Variants in SYNE1 observed in about 807,000 individuals in gnomAD.
The protein encoded by SYNE1 is nesprin-1.
Under a neutral mutation model 1,111.0 loss-of-function variants are expected in SYNE1, and 616 were observed. The observed-to-expected ratio is 0.55, with a 90% CI of 0.52 to 0.59. The LOEUF (loss-of-function observed/expected upper bound fraction) is 0.59, where lower values mean the gene tolerates loss of function less well. Among genes scored for constraint, SYNE1 ranks in the 20% least tolerant of loss-of-function variants. SYNE1 has a pLI of 0.00. For synonymous variants in SYNE1, 3,855 were observed against 3,825.8 expected (o/e 1.01, Z -0.28); for missense variants, 10,006 against 10,417.0 (o/e 0.96, Z 1.72).
chr6:152,503,154 G>T (rs2099039117), intron 9 of SYNE1, among the ~76,000 whole-genome samples: 2 of 152,012 alleles, frequency 1.3e-5, no homozygotes, highest in African/African-American at 4.8e-5. Context: ...GTACAAAAAT[G>T]CTTACAAGTG....
Position 152,241,136 on chromosome 6 carries a change from C to T in SYNE1, c.19893+1104G>A, listed in dbSNP as rs58415480. Among the ~76,000 whole-genome samples the T allele has an allele frequency of 5.0e-4, 76 of 152,144 alleles. 1 individual carries two copies. Among genetic ancestry groups the T allele is most frequent in the South Asian group, 3.5e-3 (17 of 4,820 alleles). On this transcript the variant is annotated intron_variant, in intron 107 of 145. Coordinates refer to ENST00000367255, the MANE Select transcript of SYNE1 (RefSeq NM_182961.4). ...GAGGTTTATTTCCCTGTTATTTATA[C>T]TCATTGATCCTAGTTTCCCCTCTGG...
chr6:152,303,868 G>T (rs1469487312), intron 91 of SYNE1, among the ~76,000 whole-genome samples: 1 of 151,424 alleles, frequency 6.6e-6, no homozygotes, highest in Non-Finnish European at 1.5e-5. Context: ...TTATGGATAT[G>T]GAGGGCTGAC....
At chr6:152,276,216 G>A (rs1044114695) in intron 98 of SYNE1, among the ~76,000 whole-genome samples, 1 of 151,772 alleles carries the variant, frequency 6.6e-6, no homozygotes, top group African/African-American at 2.4e-5. Flanking sequence ...TGTATTTTTA[G>A]TAGAGATGGG....
intron 128 of SYNE1, among the ~76,000 whole-genome samples, chr6:152,180,871 G>C (rs1437272922): frequency 6.6e-6 from 1 of 151,968 alleles, no homozygotes; most frequent in Admixed American, 6.6e-5. Context: ...GTGGACTCCA[G>C]GCAAGTTCCT....
rs530137531 is a variant in SYNE1 at position 152,614,607 on chromosome 6, A to G, written c.67+13658T>C. 2.0e-5 allele frequency among the ~76,000 whole-genome samples: 3 copies of G among 152,310 alleles called. 1 individual carries two copies. Among genetic ancestry groups the G allele is most frequent in the South Asian group, 4.1e-4 (2 of 4,826 alleles). ...TCAAGGATCTAGAACTAGAAATACC[A>G]TTTGACCCAGCAATTCCATTACTGG... On this transcript the variant is annotated intron_variant, in intron 3 of 145. Transcript: ENST00000367255.
chr6:152,631,154 C>T (rs147649592), intron 2 of SYNE1, among the ~76,000 whole-genome samples: 160 of 152,272 alleles, frequency 1.1e-3, no homozygotes, highest in African/African-American at 3.6e-3. Flanking sequence ...AGGATGGTGG[C>T]TAAGCCAGTG....
intron 3 of SYNE1, chr6:152,546,646 G>A: frequency 6.6e-6 from 1 of 152,084 alleles, no homozygotes; most frequent in East Asian, 1.9e-4. Flanking sequence ...AGTACAAATT[G>A]GTGTGATGAA....
At chr6:152,303,153 A>G (rs2095259927) in intron 91 of SYNE1, among the ~76,000 whole-genome samples, 1 of 136,094 alleles carries the variant, frequency 7.3e-6, no homozygotes, top group Non-Finnish European at 1.5e-5. Context: ...TTTATTGTGC[A>G]CATAGAACAC....
Position 152,232,165 on chromosome 6 carries a change from TTAA to T in SYNE1, c.20810_20812del (p.Ile6937del). The T allele has an allele frequency of 6.2e-7, 1 of 1,608,418 alleles. No homozygotes were observed. Among genetic ancestry groups the T allele is most frequent in the Non-Finnish European group, 8.5e-7 (1 of 1,174,872 alleles). The stretch of plus-strand genomic sequence containing the variant: ...AATTGCCTTGTAACCTATGGAATTT[TTAA>T]TATTATCTTCATCCTTCTGAATAAC... On this transcript the variant is annotated inframe_deletion, in exon 113 of 146. Coordinates refer to ENST00000367255, the MANE Select transcript of SYNE1 (RefSeq NM_182961.4).
intron 4 of SYNE1, among the ~76,000 whole-genome samples, chr6:152,537,888 G>A (rs1315079240): frequency 1.3e-5 from 2 of 152,086 alleles, no homozygotes; most frequent in African/African-American, 4.8e-5. Flanking sequence ...TCTTAAACCT[G>A]CCACTACCTA....
rs745932529 is a variant in SYNE1, at chr6:152,369,176, C to T, written c.9652-49G>A. ...ATTCAGAGGCTGGGGAAAAGCACATCGCGGACGAAGCTTTGGCCCAGAGAA... is the reference window on the plus strand; with the variant it reads ...ATTCAGAGGCTGGGGAAAAGCACATTGCGGACGAAGCTTTGGCCCAGAGAA... On this transcript the variant is annotated intron_variant, in intron 60 of 145. Transcript: ENST00000367255. The T allele has an allele frequency of 6.9e-6, 11 of 1,601,742 alleles. No individual in the cohort carries two copies. The East Asian group carries it at 8.9e-5, about 13-fold the overall frequency.
intron 3 of SYNE1, among the ~76,000 whole-genome samples, chr6:152,564,506 G>A (rs544987818): frequency 2.6e-5 from 4 of 151,990 alleles, no homozygotes; most frequent in Admixed American, 6.6e-5. Flanking sequence ...TTGTAGAGAC[G>A]GGGTTTTGCC....
intron 72 of SYNE1, among the ~76,000 whole-genome samples, chr6:152,348,748 T>G (rs1317336532): frequency 4.3e-5 from 3 of 69,152 alleles, no homozygotes; most frequent in Admixed American, 1.4e-4. Flanking sequence ...GTTCTAGTGT[T>G]TTTTTTTTTT....
intron 98 of SYNE1, among the ~76,000 whole-genome samples, chr6:152,270,468 C>T (rs1404288962): frequency 6.6e-6 from 1 of 152,110 alleles, no homozygotes; most frequent in African/African-American, 2.4e-5. Context: ...AGGAGAAAGA[C>T]CAAAGTAATG....
intron 45 of SYNE1, among the ~76,000 whole-genome samples, chr6:152,406,735 G>A (rs973931472): frequency 6.6e-6 from 1 of 152,102 alleles, no homozygotes; most frequent in Admixed American, 6.5e-5. Context: ...AGGTCTGGTG[G>A]TGCATGCCTG....
intron 89 of SYNE1, among the ~76,000 whole-genome samples, 154 bp downstream of exon 89, chr6:152,310,242 G>A (rs1303867036): frequency 2.6e-5 from 4 of 151,936 alleles, no homozygotes; most frequent in Admixed American, 6.6e-5. Flanking sequence ...AGGAGTTCGA[G>A]ACCAGCCTGG....
chr6:152,489,823 G>A (rs558425081), intron 11 of SYNE1, among the ~76,000 whole-genome samples: 2 of 152,266 alleles, frequency 1.3e-5, no homozygotes, highest in East Asian at 3.9e-4. Context: ...AATCATCTGA[G>A]GGGCTTATAA....
chr6:152,420,274 T>A (rs2098235921), intron 39 of SYNE1, among the ~76,000 whole-genome samples: 1 of 152,206 alleles, frequency 6.6e-6, no homozygotes, highest in Non-Finnish European at 1.5e-5. Context: ...CTTGCAAGTA[T>A]TCTAAAATAC....
chr6:152,507,251 T>C (rs569173049), intron 8 of SYNE1, among the ~76,000 whole-genome samples: 1 of 152,334 alleles, frequency 6.6e-6, no homozygotes, highest in East Asian at 1.9e-4. Flanking sequence ...AATTAGTTTT[T>C]AACAAAATTA....
Sources: allele counts gnomAD v4.1 joint callset (sites outside exome capture counted in the v4.1 genomes callset), GRCh38; gene constraint gnomAD v4.1.1; transcripts MANE v1.5; gene names NCBI Gene and HGNC (gene_info 2026-07-23, HGNC 2026-07-21).